Variants in INO80 observed in about 807,000 individuals in gnomAD.
The protein encoded by INO80 is INO80 complex ATPase subunit.
A neutral mutation model predicts 203.4 loss-of-function variants in INO80; 20 were observed. The observed-to-expected ratio is 0.10, with a 90% CI of 0.07 to 0.14. INO80 has a LOEUF of 0.14. INO80 is among the 10% of genes least tolerant of loss of function. The pLI, the probability that INO80 is intolerant of heterozygous loss-of-function variation, is 1.00. For missense variants in INO80, 1,419 were observed against 1,914.4 expected (o/e 0.74, Z 4.83); for synonymous variants, 726 against 685.2 (o/e 1.06, Z -0.93).
At position 41,016,096 on chromosome 15, in the gene INO80, G is replaced by C; in HGVS notation, c.3394C>G (p.Leu1132Val). The change falls in exon 27 of 36, where the codon CTA becomes GTA. Residue 1132 changes from leucine (L) to valine (V), a missense_variant. Leu to Val is a conservative substitution (Grantham distance 32, BLOSUM62 1). Coordinates refer to ENST00000648947, the MANE Select transcript of INO80 (RefSeq NM_017553.3). Reference protein sequence around the residue: ...IYSQMTRMIDLLEEYMVYRKH... With the variant: ...IYSQMTRMIDVLEEYMVYRKH... ...AAGATTCCCTCTCCTACCTCCAGTAGGTCTATCATCCTGGTCATCTGGGAG... is the reference window on the plus strand; with the variant it reads ...AAGATTCCCTCTCCTACCTCCAGTACGTCTATCATCCTGGTCATCTGGGAG... 6.2e-7 allele frequency: 1 copy of C among 1,612,526 alleles called. No individual in the cohort carries two copies. Among genetic ancestry groups the C allele is most frequent in the South Asian group, 1.1e-5 (1 of 90,886 alleles).
At chr15:41,044,845 A>C in intron 24 of INO80, 59 bp downstream of exon 24, 1 of 1,483,196 alleles carries the variant, frequency 6.7e-7, no homozygotes, top group Non-Finnish European at 9.0e-7. Flanking sequence ...ATTTTTACTT[A>C]TTCAAGGAAA....
At chr15:41,060,570 C>A (rs542393799) in intron 14 of INO80, among the ~76,000 whole-genome samples, 167 of 149,854 alleles carry the variant, frequency 1.1e-3, no homozygotes, top group African/African-American at 3.1e-3. Context: ...AAAAAAAAAA[C>A]AAAAAGATGT....
At chr15:41,091,484 G>C (rs1189600767) in intron 5 of INO80, among the ~76,000 whole-genome samples, 1 of 151,986 alleles carries the variant, frequency 6.6e-6, no homozygotes, top group Non-Finnish European at 1.5e-5. Context: ...ATTAAGCCCA[G>C]CAAGCATTAG....
intron 8 of INO80, among the ~76,000 whole-genome samples, chr15:41,080,274 A>G (rs1259208361): frequency 6.6e-6 from 1 of 152,194 alleles, no homozygotes; most frequent in Non-Finnish European, 1.5e-5. Context: ...ACTCTTCACA[A>G]AAACCCTATG....
chr15:40,986,391 C>A (rs1471352565), intron 31 of INO80, among the ~76,000 whole-genome samples: 2 of 130,910 alleles, frequency 1.5e-5, no homozygotes, highest in Non-Finnish European at 3.1e-5. Flanking sequence ...ATGGCACGAT[C>A]TTGGCTCACT....
intron 27 of INO80, among the ~76,000 whole-genome samples, chr15:41,007,777 A>AAAC (rs1312621221): frequency 1.3e-5 from 2 of 151,438 alleles, no homozygotes; most frequent in Non-Finnish European, 2.9e-5. Context: ...AAAAAAAAAA[A>AAAC]AACAAGAAAA....
chr15:41,042,048 C>G (rs867046828), intron 24 of INO80, among the ~76,000 whole-genome samples: 1 of 145,582 alleles, frequency 6.9e-6, no homozygotes, highest in Admixed American at 6.9e-5. Context: ...GAATCTTGCT[C>G]TGTTGCCCAG....
chr15:41,022,571 G>A (rs2044310997), intron 25 of INO80, among the ~76,000 whole-genome samples: 1 of 152,136 alleles, frequency 6.6e-6, no homozygotes, highest in Admixed American at 6.6e-5. Flanking sequence ...GGCTGTAGGT[G>A]CCTCTGGAGG....
intron 17 of INO80, 88 bp from the exon 18 acceptor site, chr15:41,055,452 A>T: frequency 1.4e-6 from 1 of 714,524 alleles, no homozygotes; most frequent in Non-Finnish European, 2.3e-6. Flanking sequence ...TTGCAGGTGT[A>T]TTAGTGTGTA....
At chr15:41,083,005 G>A (rs1049463342) in intron 7 of INO80, among the ~76,000 whole-genome samples, 2 of 151,854 alleles carry the variant, frequency 1.3e-5, no homozygotes, top group African/African-American at 2.4e-5. Context: ...AGCACAGGCC[G>A]GGTGCAGTGG....
intron 24 of INO80, among the ~76,000 whole-genome samples, chr15:41,035,143 A>G (rs1232302595): frequency 4.6e-5 from 7 of 152,232 alleles, no homozygotes; most frequent in African/African-American, 1.4e-4. Context: ...AAAACTAGTT[A>G]AGAACTAGTA....
At position 41,025,119 on chromosome 15, in the gene INO80, C is replaced by T. The variant is rs557323221; in HGVS notation, c.3048+2477G>A. Among the ~76,000 whole-genome samples the T allele has an allele frequency of 9.2e-5, 14 of 152,324 alleles. No individual in the cohort carries two copies. The South Asian group carries it at 2.3e-3, about 25-fold the overall frequency. On this transcript the variant is annotated intron_variant, in intron 25 of 35. Coordinates refer to ENST00000648947, the MANE Select transcript of INO80 (RefSeq NM_017553.3). ...CACCCTTTCAGCCAAACGATAAAAG[C>T]TTTCTCCTGCTCCCTGCTTGCCAAC...
At chr15:41,047,922 T>C in intron 22 of INO80, among the ~76,000 whole-genome samples, 1 of 152,188 alleles carries the variant, frequency 6.6e-6, no homozygotes, top group East Asian at 1.9e-4. Context: ...AATGAGACAG[T>C]CCAGCACCGA....
Position 41,041,261 on chromosome 15 carries a change from G to T in INO80, c.2907+3643C>A, listed in dbSNP as rs2044661371. Among the ~76,000 whole-genome samples the T allele has an allele frequency of 2.6e-5, 4 of 151,614 alleles. No homozygotes were observed. The South Asian group carries it at 8.3e-4, about 32-fold the overall frequency. Reference sequence around the variant, plus strand: ...ACGGCATCATGCTTGGCTAATTTTTGTATTTTTCTGGTAGAGATGGGGTTT... The same window carrying T: ...ACGGCATCATGCTTGGCTAATTTTTTTATTTTTCTGGTAGAGATGGGGTTT... On this transcript the variant is annotated intron_variant, in intron 24 of 35. Transcript: ENST00000648947.
chr15:41,070,935 G>A (rs1208631773), intron 12 of INO80, among the ~76,000 whole-genome samples: 1 of 152,242 alleles, frequency 6.6e-6, no homozygotes. Context: ...TTGGGAGGCC[G>A]AGGCAGGCAT....
intron 7 of INO80, among the ~76,000 whole-genome samples, chr15:41,082,250 CAAAAAA>C (rs60486605): frequency 1.8e-5 from 1 of 54,680 alleles, no homozygotes; most frequent in Admixed American, 2.1e-4. Context: ...AACTCCGTCT[CAAAAAA>C]AAAAAAAAAA....
At chr15:41,050,358 C>T (rs73401689) in intron 19 of INO80, among the ~76,000 whole-genome samples, 11,211 of 152,216 alleles carry the variant, frequency 0.074, 1,192 homozygotes, top group African/African-American at 0.24. Flanking sequence ...CCAACTAACA[C>T]CCATCACAGT....
chr15:41,031,351 GTT>G (rs1467137836), intron 24 of INO80, among the ~76,000 whole-genome samples: 1 of 150,746 alleles, frequency 6.6e-6, no homozygotes, highest in Non-Finnish European at 1.5e-5. Context: ...AGAAAAGAAA[GTT>G]TGTTCATTAC....
intron 22 of INO80, 34 bp downstream of exon 22, chr15:41,048,178 A>G: frequency 6.5e-7 from 1 of 1,545,762 alleles, no homozygotes; most frequent in South Asian, 1.1e-5. Context: ...TAAAACCCTG[A>G]CAAACCTACT....
Sources: gnomAD v4.1 joint callset for allele counts (sites outside exome capture counted in the v4.1 genomes callset) on GRCh38, gnomAD v4.1.1 for gene constraint, MANE v1.5 for transcripts, NCBI Gene and HGNC (gene_info 2026-07-23, HGNC 2026-07-21) for gene names.